FUT8: variants seen among roughly 807,000 people sequenced by gnomAD.
The protein encoded by FUT8 is fucosyltransferase 8.
FUT8 carries 29 observed loss-of-function variants against 71.3 expected under a neutral mutation model. The observed-to-expected ratio is 0.41, with a 90% CI of 0.30 to 0.55. The LOEUF is 0.55. FUT8 is among the 20% of genes least tolerant of loss of function. FUT8 has a pLI of 0.34. For synonymous variants in FUT8, 254 were observed against 239.3 expected (o/e 1.06, Z -0.57); for missense variants, 544 against 702.1 (o/e 0.77, Z 2.55).
At chr14:65,509,870 T>A (rs1276237611) in intron 2 of FUT8, among the ~76,000 whole-genome samples, 3 of 152,184 alleles carry the variant, frequency 2.0e-5, no homozygotes, top group Non-Finnish European at 4.4e-5. Flanking sequence ...TATGATCATA[T>A]CATCTGCAAA....
intron 3 of FUT8, among the ~76,000 whole-genome samples, chr14:65,589,892 A>G (rs527644511): frequency 3.9e-5 from 6 of 152,336 alleles, no homozygotes; most frequent in Admixed American, 3.9e-4. Context: ...AAGATGATGC[A>G]TAGACATGGT....
intron 2 of FUT8, among the ~76,000 whole-genome samples, chr14:65,514,829 T>A (rs2139834117): frequency 6.6e-6 from 1 of 152,348 alleles, no homozygotes; most frequent in South Asian, 2.1e-4. Context: ...AAATCACTTC[T>A]TTACCTCAGT....
At chr14:65,441,064 T>C (rs1172081009) in intron 1 of FUT8, among the ~76,000 whole-genome samples, 1 of 152,208 alleles carries the variant, frequency 6.6e-6, no homozygotes, top group Non-Finnish European at 1.5e-5. Context: ...GCTGGTTATA[T>C]TGAAGTATAT....
chr14:65,524,890 A>G (rs560979632), intron 2 of FUT8, among the ~76,000 whole-genome samples: 6 of 152,230 alleles, frequency 3.9e-5, no homozygotes, highest in African/African-American at 1.4e-4. Flanking sequence ...TGATTTATGT[A>G]TGTTGAACGA....
intron 6 of FUT8, among the ~76,000 whole-genome samples, chr14:65,642,032 A>G (rs1890866831): frequency 6.6e-6 from 1 of 151,968 alleles, no homozygotes; most frequent in Non-Finnish European, 1.5e-5. Flanking sequence ...AAAGTTTTTA[A>G]TTTTGACAAA....
At chr14:65,502,278 G>T (rs556088675) in intron 2 of FUT8, among the ~76,000 whole-genome samples, 1 of 151,394 alleles carries the variant, frequency 6.6e-6, no homozygotes, top group African/African-American at 2.4e-5. Flanking sequence ...AGGCTGGGGT[G>T]CAGTGGTGGG....
intron 9 of FUT8, among the ~76,000 whole-genome samples, chr14:65,727,279 C>G (rs1255436501): frequency 6.6e-6 from 1 of 152,206 alleles, no homozygotes; most frequent in Admixed American, 6.5e-5. Context: ...CATTTTGCTT[C>G]TCTACTGCCC....
intron 2 of FUT8, among the ~76,000 whole-genome samples, chr14:65,504,716 A>AT (rs35701706): frequency 9.9e-5 from 15 of 151,322 alleles, no homozygotes; most frequent in African/African-American, 2.7e-4. Flanking sequence ...TGCCCGGCTA[A>AT]TTTTTTTTTG....
At chr14:65,587,179 A>G (rs947764691) in intron 3 of FUT8, among the ~76,000 whole-genome samples, 57 of 149,672 alleles carry the variant, frequency 3.8e-4, no homozygotes, top group African/African-American at 1.3e-3. Context: ...ACAGAGCGAG[A>G]CTCTGTCTCA....
chr14:65,358,901 C>T, the FUT8 span, among the ~76,000 whole-genome samples: 5 of 152,254 alleles, frequency 3.3e-5, no homozygotes, highest in African/African-American at 1.2e-4. Context: ...CATCATGACA[C>T]TTTAAATACT....
chr14:65,369,936 A>G, the FUT8 span, among the ~76,000 whole-genome samples: 1 of 152,124 alleles, frequency 6.6e-6, no homozygotes, highest in African/African-American at 2.4e-5. The surrounding 1 kb of genome is among the most constrained non-coding windows in gnomAD (Gnocchi z 4.6). Context: ...CTCGCCCCAA[A>G]TTCTTTCTTG....
chr14:65,454,307 A>G (rs1247101523), intron 1 of FUT8, among the ~76,000 whole-genome samples: 1 of 152,070 alleles, frequency 6.6e-6, no homozygotes, highest in East Asian at 1.9e-4. Flanking sequence ...TTCTTCAAAT[A>G]GATGTATGAG....
At chr14:65,522,229 G>A (rs895654010) in intron 2 of FUT8, among the ~76,000 whole-genome samples, 3 of 152,058 alleles carry the variant, frequency 2.0e-5, no homozygotes, top group Admixed American at 1.3e-4. Context: ...TCCCTCTCCC[G>A]ACTTTTCCTT....
At chr14:65,386,894 T>A in the FUT8 span, among the ~76,000 whole-genome samples, 3 of 141,074 alleles carry the variant, frequency 2.1e-5, no homozygotes, top group African/African-American at 7.9e-5. Context: ...CAGGCTGGAG[T>A]GCAGTGGTGC....
At chr14:65,647,835 C>T (rs1226214173) in intron 6 of FUT8, among the ~76,000 whole-genome samples, 3 of 151,664 alleles carry the variant, frequency 2.0e-5, no homozygotes, top group African/African-American at 4.8e-5. Flanking sequence ...GGAGAATTTC[C>T]TTAGGTTTAC....
intron 2 of FUT8, among the ~76,000 whole-genome samples, chr14:65,546,609 T>G (rs1884998911): frequency 6.6e-6 from 1 of 151,872 alleles, no homozygotes; most frequent in South Asian, 2.1e-4. Context: ...TTGGCTGTTG[T>G]AAATAAATAA....
At chr14:65,415,590 A>C (rs1566733194) in intron 1 of FUT8, among the ~76,000 whole-genome samples, 1 of 152,092 alleles carries the variant, frequency 6.6e-6, no homozygotes, top group South Asian at 2.1e-4. Flanking sequence ...CAATCCTAAA[A>C]TTTCAAAAAC....
intron 2 of FUT8, among the ~76,000 whole-genome samples, chr14:65,477,125 C>G (rs2066259041): frequency 6.6e-6 from 1 of 152,060 alleles, no homozygotes; most frequent in African/African-American, 2.4e-5. Flanking sequence ...CTGGAATTGC[C>G]CTAGAGAGCA....
At chr14:65,463,090 A>G (rs11844089) in intron 2 of FUT8, among the ~76,000 whole-genome samples, 9,957 of 152,296 alleles carry the variant, frequency 0.065, 373 homozygotes, top group Admixed American at 0.11. Context: ...TAGAAGATAC[A>G]TTAGAATATA....
Sources: allele counts gnomAD v4.1 joint callset (sites outside exome capture counted in the v4.1 genomes callset), GRCh38; gene constraint gnomAD v4.1.1; non-coding constraint Gnocchi (gnomAD v3.1); transcripts MANE v1.5; gene names NCBI Gene and HGNC (gene_info 2026-07-23, HGNC 2026-07-21).